The following VPS37A variants were observed in gnomAD, a reference collection of about 807,000 sequenced individuals.
VPS37A encodes the protein VPS37A subunit of ESCRT-I.
In VPS37A, 30 loss-of-function variants were observed where a neutral mutation model predicts 49.8. The observed-to-expected ratio is 0.60, with a 90% confidence interval of 0.45 to 0.82. The LOEUF (loss-of-function observed/expected upper bound fraction) is 0.82, where lower values mean the gene tolerates loss of function less well. Among genes scored for constraint, VPS37A ranks in the 40% least tolerant of loss-of-function variants. The pLI is 0.00. For missense variants in VPS37A, 593 were observed against 464.4 expected (o/e 1.28, Z -2.55); for synonymous variants, 195 against 160.6 (o/e 1.21, Z -1.62).
chr8:17,315,423 A>G, the VPS37A span, among the ~76,000 whole-genome samples: 3,184 of 152,248 alleles, frequency 0.021, 136 homozygotes, highest in African/African-American at 0.073. Context: ...ACGTGTCAAA[A>G]CCCACAGAAT....
intron 1 of VPS37A, among the ~76,000 whole-genome samples, chr8:17,253,505 G>A (rs956644630): frequency 1.3e-5 from 2 of 152,218 alleles, no homozygotes; most frequent in Non-Finnish European, 2.9e-5. Context: ...CAAACAGAAT[G>A]TAACGTTTCA....
chr8:17,315,091 A>T, the VPS37A span, among the ~76,000 whole-genome samples: 2 of 152,362 alleles, frequency 1.3e-5, no homozygotes, highest in Admixed American at 1.3e-4. Flanking sequence ...TTAATCATTA[A>T]AAGTTATACA....
In VPS37A at chr8:17,297,780, A is replaced by C. The variant is rs1212266114; in HGVS notation, c.*2794A>C. On this transcript the variant is annotated 3_prime_UTR_variant, in exon 12 of 12. Coordinates refer to ENST00000324849, the MANE Select transcript of VPS37A (RefSeq NM_152415.3). ...TTAGCCATGCTCTGAAGAATCTGTGAAAGTACAGTAAAGTTTTAATAAGCA... is the reference window on the plus strand; with the variant it reads ...TTAGCCATGCTCTGAAGAATCTGTGCAAGTACAGTAAAGTTTTAATAAGCA... The C allele has an allele frequency of 6.6e-6, 1 of 152,038 alleles. No individual in the cohort carries two copies. The highest frequency in any genetic ancestry group is 1.5e-5 in the Non-Finnish European group (1 of 67,894). The allele number at this position is 152,038 out of a possible 1,614,324, so 9.4% of individuals were successfully genotyped here. A position where few individuals can be genotyped will look rare whatever the true frequency, so the allele number is the denominator to read the frequency against.
At chr8:17,302,072 T>G, downstream of VPS37A, 1 of 1,570,724 alleles carries the variant, frequency 6.4e-7, no homozygotes, top group African/African-American at 1.4e-5. Flanking sequence ...TGTATTGCAC[T>G]GAATCTTAAG....
chr8:17,295,440 T>C lies in VPS37A; in HGVS notation c.*454T>C, dbSNP rs1816548847. 2 of 152,616 alleles carry C rather than the reference T, an allele frequency of 1.3e-5. No individual in the cohort carries two copies. Among genetic ancestry groups the C allele is most frequent in the South Asian group, 4.1e-4 (2 of 4,836 alleles). The allele number at this position is 152,616 out of a possible 1,614,324, so 9.5% of individuals were successfully genotyped here. ...GGAAACCCTTATTTTTCTTTCTTTG[T>C]GGATAAAACTTTCAAAAGCAATTTA... On this transcript the variant is annotated 3_prime_UTR_variant, in exon 12 of 12. Coordinates refer to ENST00000324849, the MANE Select transcript of VPS37A (RefSeq NM_152415.3).
At chr8:17,254,418 A>C (rs1390730689) in intron 1 of VPS37A, among the ~76,000 whole-genome samples, 2 of 152,208 alleles carry the variant, frequency 1.3e-5, no homozygotes, top group African/African-American at 2.4e-5. Context: ...AGCTAGGAAA[A>C]GAGGCTAATT....
intron 9 of VPS37A, among the ~76,000 whole-genome samples, chr8:17,283,054 A>G (rs191479825): frequency 1.6e-4 from 25 of 152,360 alleles, no homozygotes; most frequent in African/African-American, 5.8e-4. Flanking sequence ...CATGTGAGCC[A>G]TATTTGTGAA....
intron 1 of VPS37A, among the ~76,000 whole-genome samples, chr8:17,251,274 G>A (rs1280293428): frequency 6.6e-6 from 1 of 152,166 alleles, no homozygotes; most frequent in Non-Finnish European, 1.5e-5. Context: ...CTCAGCAATA[G>A]TAACAAATGA....
At chr8:17,275,661 A>G (rs891113980) in intron 5 of VPS37A, among the ~76,000 whole-genome samples, 1 of 152,188 alleles carries the variant, frequency 6.6e-6, no homozygotes, top group Non-Finnish European at 1.5e-5. Context: ...TGCTATGTGG[A>G]ATGTTCCTGA....
At chr8:17,282,280 A>C (rs934926054) in intron 9 of VPS37A, among the ~76,000 whole-genome samples, 1 of 152,100 alleles carries the variant, frequency 6.6e-6, no homozygotes, top group Non-Finnish European at 1.5e-5. Context: ...GATTCAATAA[A>C]TTATAAAATT....
chr8:17,277,492 C>G (rs144470368), intron 6 of VPS37A, among the ~76,000 whole-genome samples: 1 of 152,012 alleles, frequency 6.6e-6, no homozygotes, highest in African/African-American at 2.4e-5. Flanking sequence ...AACCCTTTTG[C>G]TCACCATGCT....
chr8:17,265,758 C>G (rs1287721826), intron 1 of VPS37A, 149 bp from the exon 2 acceptor site: 1 of 1,530,884 alleles, frequency 6.5e-7, no homozygotes, highest in South Asian at 1.2e-5. Context: ...TGATCATTTT[C>G]CTTCCCCTCA....
chr8:17,270,019 T>G (rs1326636193), intron 4 of VPS37A, among the ~76,000 whole-genome samples: 1 of 152,028 alleles, frequency 6.6e-6, no homozygotes, highest in African/African-American at 2.4e-5. Context: ...GCAGGCACAT[T>G]ACATGATGAG....
intron 4 of VPS37A, chr8:17,272,141 T>C (rs1424090487): frequency 4.4e-6 from 2 of 454,514 alleles, no homozygotes; most frequent in Non-Finnish European, 8.9e-6. Context: ...CTCCTTCCGG[T>C]GACCATCTGC....
At chr8:17,253,515 A>T (rs915071860) in intron 1 of VPS37A, among the ~76,000 whole-genome samples, 1 of 152,212 alleles carries the variant, frequency 6.6e-6, no homozygotes, top group Non-Finnish European at 1.5e-5. Flanking sequence ...GTAACGTTTC[A>T]TATATGGCAA....
chr8:17,263,487 C>T (rs1309806685), intron 1 of VPS37A, among the ~76,000 whole-genome samples: 1 of 151,196 alleles, frequency 6.6e-6, no homozygotes, highest in East Asian at 2.0e-4. Context: ...TAAGTATCAC[C>T]TTCTGTTATT....
At chr8:17,314,321 T>G in the VPS37A span, among the ~76,000 whole-genome samples, 6 of 152,166 alleles carry the variant, frequency 3.9e-5, no homozygotes, top group Admixed American at 2.6e-4. Context: ...TAAACACACA[T>G]AGGGAAAAGG....
At chr8:17,302,199 C>A, downstream of VPS37A, 1 of 1,614,098 alleles carries the variant, frequency 6.2e-7, no homozygotes, top group Non-Finnish European at 8.5e-7. Flanking sequence ...GAGTTTCTTC[C>A]TTCACTGCCA....
chr8:17,318,416 G>A, the VPS37A span, among the ~76,000 whole-genome samples: 2 of 152,108 alleles, frequency 1.3e-5, no homozygotes, highest in Non-Finnish European at 2.9e-5. Flanking sequence ...AGGAAAAAAG[G>A]TACAGGATGA....
Sources: gnomAD v4.1 joint callset for allele counts (sites outside exome capture counted in the v4.1 genomes callset) on GRCh38, gnomAD v4.1.1 for gene constraint, MANE v1.5 for transcripts, NCBI Gene and HGNC (gene_info 2026-07-23, HGNC 2026-07-21) for gene names.